The following PALLD variants were observed in gnomAD, a reference collection of about 807,000 sequenced individuals.
The protein encoded by PALLD is palladin.
In PALLD, 61 loss-of-function variants were observed where a neutral mutation model predicts 123.5. The observed-to-expected ratio is 0.49, with a 90% confidence interval of 0.40 to 0.61. The LOEUF is 0.61. PALLD is among the 20% of genes least tolerant of loss of function. The pLI is 0.00. For missense variants in PALLD, 1,273 were observed against 1,377.0 expected (o/e 0.92, Z 1.20); for synonymous variants, 465 against 496.4 (o/e 0.94, Z 0.84).
At chr4:168,731,214 A>G (rs1404016044) in intron 10 of PALLD, among the ~76,000 whole-genome samples, 1 of 152,240 alleles carries the variant, frequency 6.6e-6, no homozygotes, top group Non-Finnish European at 1.5e-5. Context: ...GTGAACTTAC[A>G]GTTTCACAAT....
rs538959058 is a variant in PALLD at position 168,497,115 on chromosome 4, C to T, written c.-162C>T. On this transcript the variant is annotated 5_prime_UTR_variant, in exon 1 of 22. Transcript: ENST00000505667. ...AATGAATAGGCAAGGCCACAACCTC[C>T]ATTCTCCCAGAAAAGAAGAAATGCT... The T allele has an allele frequency of 2.0e-5, 3 of 152,294 alleles. No individual in the cohort carries two copies. The South Asian group carries it at 6.2e-4, about 32-fold the overall frequency. The allele number at this position is 152,294 out of a possible 1,614,324, so 9.4% of individuals were successfully genotyped here.
At chr4:168,523,185 G>A (rs1763716378) in intron 2 of PALLD, among the ~76,000 whole-genome samples, 1 of 137,888 alleles carries the variant, frequency 7.3e-6, no homozygotes, top group Non-Finnish European at 1.5e-5. Context: ...GAATTTCCAA[G>A]TAATGGAGGA....
chr4:168,649,204 C>T (rs1777790758), intron 2 of PALLD, among the ~76,000 whole-genome samples: 1 of 152,208 alleles, frequency 6.6e-6, no homozygotes, highest in South Asian at 2.1e-4. Flanking sequence ...TATTTTTCAC[C>T]TCCTATCTGC....
intron 11 of PALLD, among the ~76,000 whole-genome samples, chr4:168,893,725 C>A (rs1400931676): frequency 6.6e-6 from 1 of 152,164 alleles, no homozygotes; most frequent in East Asian, 1.9e-4. Flanking sequence ...GCAGGTATCA[C>A]CCCAACAGTC....
At chr4:168,688,947 G>A (rs1782348089) in intron 6 of PALLD, among the ~76,000 whole-genome samples, 1 of 152,134 alleles carries the variant, frequency 6.6e-6, no homozygotes, top group South Asian at 2.1e-4. Flanking sequence ...CCCCATAAGT[G>A]ACACTTACCC....
rs188545898 is a variant in PALLD, at chr4:168,567,939, C to A, written c.908+55527C>A. 4.1e-4 allele frequency among the ~76,000 whole-genome samples: 62 copies of A among 152,054 alleles called. 1 individual carries two copies. The highest frequency in any genetic ancestry group is 1.4e-3 in the African/African-American group (58 of 41,512). On this transcript the variant is annotated intron_variant, in intron 2 of 21. Coordinates refer to ENST00000505667, the MANE Select transcript of PALLD (RefSeq NM_001166108.2). ...AAAACTACATTTGTATCCCCTAAAT[C>A]TATAAAGTTTTTTAAAAAAGAAGTG...
chr4:168,658,284 G>GTTTTTTTTTTTT lies in PALLD; in HGVS notation c.909-9906_909-9905insTTTTTTTTTTTT, dbSNP rs755942969. Among the ~76,000 whole-genome samples, 33 of 120,728 alleles carry GTTTTTTTTTTTT rather than the reference G, an allele frequency of 2.7e-4. 1 individual carries two copies. The highest frequency in any genetic ancestry group is 6.8e-4 in the Admixed American group (8 of 11,742). 79.2% of individuals were successfully genotyped at this position (120,728 alleles called of 152,430 possible). On this transcript the variant is annotated intron_variant, in intron 2 of 21. Coordinates refer to ENST00000505667, the MANE Select transcript of PALLD (RefSeq NM_001166108.2). ...TTTTGTTGGTGGTGGGTTTTTATTT[G>GTTTTTTTTTTTT]GTTTTTTTTTTTTTTTTTGTGATGA...
At chr4:168,739,484 G>A (rs928951772) in intron 10 of PALLD, among the ~76,000 whole-genome samples, 1 of 152,160 alleles carries the variant, frequency 6.6e-6, no homozygotes, top group Non-Finnish European at 1.5e-5. Flanking sequence ...GAAAAAATAA[G>A]TTCTAATGTT....
chr4:168,559,907 A>AG (rs942588836), intron 2 of PALLD, among the ~76,000 whole-genome samples: 2 of 151,382 alleles, frequency 1.3e-5, no homozygotes, highest in Admixed American at 6.6e-5. Context: ...AGAGAGAGAG[A>AG]AAAAAAAAGA....
Position 168,877,937 on chromosome 4 carries a change from G to C in PALLD, c.1965-12985G>C, listed in dbSNP as rs925028358. The C allele has an allele frequency of 2.0e-6, 3 of 1,497,854 alleles. No homozygotes were observed. The highest frequency in any genetic ancestry group is 2.7e-6 in the Non-Finnish European group (3 of 1,128,856). 92.8% of individuals were successfully genotyped at this position (1,497,854 alleles called of 1,614,324 possible). A position where few individuals can be genotyped will look rare whatever the true frequency, so the allele number is the denominator to read the frequency against. On this transcript the variant is annotated intron_variant, in intron 10 of 21. Coordinates refer to ENST00000505667, the MANE Select transcript of PALLD (RefSeq NM_001166108.2). ...CTCCGCCCCCGCCATGCAGTCCTCCGGCTCCTTCAACTACGCGCGCCCCAA... is the reference window on the plus strand; with the variant it reads ...CTCCGCCCCCGCCATGCAGTCCTCCCGCTCCTTCAACTACGCGCGCCCCAA...
intron 10 of PALLD, among the ~76,000 whole-genome samples, chr4:168,836,638 G>T (rs1051753346): frequency 2.0e-5 from 3 of 152,182 alleles, no homozygotes; most frequent in African/African-American, 7.2e-5. Context: ...AAACAGAGAT[G>T]AAGTACTGCT....
At chr4:168,514,886 G>C (rs1762851712) in intron 2 of PALLD, among the ~76,000 whole-genome samples, 1 of 152,168 alleles carries the variant, frequency 6.6e-6, no homozygotes, top group Admixed American at 6.5e-5. Flanking sequence ...GGTGATTCTA[G>C]GGGTCATCAA....
At chr4:168,684,498 C>A (rs1357060578) in intron 5 of PALLD, among the ~76,000 whole-genome samples, 1 of 152,114 alleles carries the variant, frequency 6.6e-6, no homozygotes, top group Non-Finnish European at 1.5e-5. Flanking sequence ...ACCCTTCAAG[C>A]CGAGTTTCTT....
At chr4:168,635,078 C>T (rs1336968164) in intron 2 of PALLD, among the ~76,000 whole-genome samples, 2 of 152,132 alleles carry the variant, frequency 1.3e-5, no homozygotes, top group African/African-American at 4.8e-5. Context: ...GTTTCTTTCT[C>T]ATGTCAAGCT....
At chr4:168,895,896 T>A (rs1755024661) in intron 12 of PALLD, among the ~76,000 whole-genome samples, 1 of 152,192 alleles carries the variant, frequency 6.6e-6, no homozygotes, top group Non-Finnish European at 1.5e-5. Flanking sequence ...CATTATAAGT[T>A]GAAAATATTG....
chr4:168,673,617 C>T (rs1780519751), intron 3 of PALLD, among the ~76,000 whole-genome samples: 3 of 152,090 alleles, frequency 2.0e-5, no homozygotes, highest in African/African-American at 7.2e-5. Context: ...TTGGTAGAAG[C>T]CTATTGCAGC....
At position 168,914,189 on chromosome 4, in the gene PALLD, G is replaced by A; in HGVS notation, c.2717+168G>A. ...CTTGATTATTATGCTCCCTTGTGAT[G>A]CAGAAAGGGAATGGGAACAAACATT... On this transcript the variant is annotated intron_variant, in intron 16 of 21. Coordinates refer to ENST00000505667, the MANE Select transcript of PALLD (RefSeq NM_001166108.2). 1.6e-5 allele frequency: 10 copies of A among 628,940 alleles called. No individual in the cohort carries two copies. The South Asian group carries it at 1.8e-4, about 12-fold the overall frequency. The allele number at this position is 628,940 out of a possible 1,614,324, so 39.0% of individuals were successfully genotyped here.
At chr4:168,654,351 A>C (rs1394080474) in intron 2 of PALLD, among the ~76,000 whole-genome samples, 1 of 152,164 alleles carries the variant, frequency 6.6e-6, no homozygotes, top group East Asian at 1.9e-4. Context: ...AATTTTTAAA[A>C]GTTGTGCATT....
At chr4:168,882,534 A>G (rs1183166682) in intron 10 of PALLD, among the ~76,000 whole-genome samples, 2 of 152,008 alleles carry the variant, frequency 1.3e-5, no homozygotes, top group Admixed American at 1.3e-4. Context: ...AAAAGAATCC[A>G]ACAGATACAA....
Sources: gnomAD v4.1 joint callset for allele counts (sites outside exome capture counted in the v4.1 genomes callset) on GRCh38, gnomAD v4.1.1 for gene constraint, MANE v1.5 for transcripts, NCBI Gene and HGNC (gene_info 2026-07-23, HGNC 2026-07-21) for gene names.